Variants in PRELP observed in about 807,000 individuals in gnomAD.
PRELP encodes the protein proline and arginine rich end leucine rich repeat protein, also known as prolargin.
PRELP carries 16 observed loss-of-function variants against 22.8 expected under a neutral mutation model. The observed-to-expected ratio is 0.70, with a 90% CI of 0.47 to 1.06. The LOEUF is 1.06. PRELP is among the 50% of genes least tolerant of loss of function. The probability of loss-of-function intolerance (pLI) is 0.00; values close to 1 mark genes in which losing one functional copy is unlikely to be tolerated. For missense variants in PRELP, 434 were observed against 485.2 expected, an observed-to-expected ratio of 0.89 and a Z score of 0.99; for synonymous variants, 233 against 211.4, an observed-to-expected ratio of 1.10 and a Z score of -0.89.
In PRELP at chr1:203,488,685, C is replaced by G. The variant is rs1228240379; in HGVS notation, c.*1804C>G. On this transcript the variant is annotated 3_prime_UTR_variant, in exon 3 of 3. Transcript: ENST00000343110. ...GTATGGACTGTCCCTCCCCCAGAGG[C>G]TTCCCCACCCTCCATTGCCTGGCCC... 1 of 152,178 alleles carries G rather than the reference C, an allele frequency of 6.6e-6. No homozygotes were observed. Among genetic ancestry groups the G allele is most frequent in the Admixed American group, 6.5e-5 (1 of 15,286 alleles). 9.4% of individuals were successfully genotyped at this position (152,178 alleles called of 1,614,324 possible).
chr1:203,480,512 C>G (rs948931118), intron 1 of PRELP, among the ~76,000 whole-genome samples: 2 of 152,224 alleles, frequency 1.3e-5, no homozygotes, highest in Non-Finnish European at 2.9e-5. Flanking sequence ...AGACCTAGGA[C>G]ATCACGGAGC....
chr1:203,486,830 C>G lies in PRELP; in HGVS notation c.1098C>G (p.Ile366Met), dbSNP rs140798315. ...ATGGAAACTACTTGAAGCCGCCCAT[C>G]CCGCTGGACCTCATGATGTGCTTCC... Reference protein sequence around the residue: ...RLDGNYLKPPIPLDLMMCFRL... With the variant: ...RLDGNYLKPPMPLDLMMCFRL... Residue 366 changes from isoleucine to methionine, a missense_variant, in exon 3 of 3, where the codon ATC becomes ATG. Ile to Met is a conservative substitution (Grantham distance 10). Transcript: ENST00000343110. 105 of 1,614,224 alleles carry G rather than the reference C, an allele frequency of 6.5e-5. No homozygotes were observed. In the South Asian group the frequency reaches 8.8e-4, roughly 14 times the overall value.
intron 1 of PRELP, among the ~76,000 whole-genome samples, chr1:203,478,695 C>G (rs1486669820): frequency 1.3e-5 from 2 of 151,996 alleles, no homozygotes; most frequent in Non-Finnish European, 2.9e-5. Context: ...GGGTGAGAAT[C>G]TTCTCTCCTA....
intron 2 of PRELP, among the ~76,000 whole-genome samples, chr1:203,485,757 C>T (rs1399889025): frequency 6.6e-6 from 1 of 152,156 alleles, no homozygotes; most frequent in Non-Finnish European, 1.5e-5. Context: ...CTTCCTCCTC[C>T]TGCTCCTCCA....
At position 203,483,100 on chromosome 1, in the gene PRELP, G is replaced by A; in HGVS notation, c.-16-69G>A. The A allele has an allele frequency of 7.6e-7, 1 of 1,316,862 alleles. No individual in the cohort carries two copies. Among genetic ancestry groups the A allele is most frequent in the East Asian group, 2.3e-5 (1 of 42,732 alleles). The allele number at this position is 1,316,862 out of a possible 1,614,324, so 81.6% of individuals were successfully genotyped here. ...AGAGCTCTAGTTCTGCCCAACTCTG[G>A]CTTCAAAAACATGACAACTAGTTAC... On this transcript the variant is annotated intron_variant, in intron 1 of 2. Coordinates refer to ENST00000343110, the MANE Select transcript of PRELP (RefSeq NM_002725.4). The surrounding 1 kb of genome is among the most constrained non-coding windows in gnomAD (Gnocchi z 4.4).
chr1:203,490,153 C>T lies in PRELP; in HGVS notation c.*3272C>T, dbSNP rs576011457. 9 of 151,840 alleles carry T rather than the reference C, an allele frequency of 5.9e-5. No individual in the cohort carries two copies. Among genetic ancestry groups the T allele is most frequent in the Non-Finnish European group, 1.2e-4 (8 of 67,962 alleles). The allele number at this position is 151,840 out of a possible 1,614,324, so 9.4% of individuals were successfully genotyped here. ...TTTTCTTATTATTTTTAAATAGAGGCAGGGTCTCATTATGTTGCCCAGGCT... is the reference window on the plus strand; with the variant it reads ...TTTTCTTATTATTTTTAAATAGAGGTAGGGTCTCATTATGTTGCCCAGGCT... On this transcript the variant is annotated 3_prime_UTR_variant, in exon 3 of 3. Transcript: ENST00000343110.
In PRELP at chr1:203,488,335, A is replaced by T. The variant is rs1461708371; in HGVS notation, c.*1454A>T. 6.6e-6 allele frequency: 1 copy of T among 152,202 alleles called. No homozygotes were observed. The highest frequency in any genetic ancestry group is 1.5e-5 in the Non-Finnish European group (1 of 68,068). The allele number at this position is 152,202 out of a possible 1,614,324, so 9.4% of individuals were successfully genotyped here. ...GGAGTTCGAAACCACCCTGGGCAACATGGTGAAACCCCCGTCTCTACTAAA... is the reference window on the plus strand; with the variant it reads ...GGAGTTCGAAACCACCCTGGGCAACTTGGTGAAACCCCCGTCTCTACTAAA... On this transcript the variant is annotated 3_prime_UTR_variant, in exon 3 of 3. Transcript: ENST00000343110.
intron 2 of PRELP, 139 bp from the exon 3 acceptor site, chr1:203,486,567 A>G: frequency 1.3e-6 from 1 of 747,810 alleles, no homozygotes; most frequent in Non-Finnish European, 2.2e-6. Flanking sequence ...CAGCTCATCT[A>G]TGATCACACA....
intron 1 of PRELP, among the ~76,000 whole-genome samples, chr1:203,479,008 A>C (rs773241771): frequency 5.9e-5 from 9 of 152,194 alleles, no homozygotes; most frequent in Non-Finnish European, 1.2e-4. Context: ...AACAGAAAGA[A>C]GGGAAAAAAG....
chr1:203,476,191 T>C (rs1660908937), intron 1 of PRELP, among the ~76,000 whole-genome samples: 1 of 152,220 alleles, frequency 6.6e-6, no homozygotes, highest in Non-Finnish European at 1.5e-5. Flanking sequence ...TGCAGATGTT[T>C]GTTGTAGCAC....
rs1660941032 is a variant in PRELP, at chr1:203,477,974, A to G, written c.-17+2036A>G. On this transcript the variant is annotated intron_variant, in intron 1 of 2. Transcript: ENST00000343110. ...AAGGGGAGGAAGTTGCTCTGTGTGG[A>G]AGAGCTGGTACCCCACTCACAAGGA... is the stretch of plus-strand genomic sequence containing the variant. 3.3e-5 allele frequency among the ~76,000 whole-genome samples: 5 copies of G among 152,300 alleles called. No individual in the cohort carries two copies. The South Asian group carries it at 1.0e-3, about 32-fold the overall frequency.
intron 1 of PRELP, among the ~76,000 whole-genome samples, chr1:203,477,548 G>A (rs1276902467): frequency 6.6e-6 from 1 of 152,136 alleles, no homozygotes; most frequent in Non-Finnish European, 1.5e-5. Flanking sequence ...GACCCCAGGA[G>A]CATGTGCTGG....
intron 1 of PRELP, among the ~76,000 whole-genome samples, chr1:203,477,975 A>G (rs776283006): frequency 6.6e-6 from 1 of 152,206 alleles, no homozygotes; most frequent in Non-Finnish European, 1.5e-5. Flanking sequence ...TCTGTGTGGA[A>G]GAGCTGGTAC....
intron 2 of PRELP, among the ~76,000 whole-genome samples, chr1:203,486,162 G>C (rs1460145483): frequency 6.6e-6 from 1 of 152,092 alleles, no homozygotes; most frequent in Non-Finnish European, 1.5e-5. Flanking sequence ...CAGATTTAAC[G>C]CTCCAGGATA....
chr1:203,486,649 C>T, intron 2 of PRELP, 57 bp from the exon 3 acceptor site: 6 of 1,513,422 alleles, frequency 4.0e-6, no homozygotes, highest in Non-Finnish European at 5.5e-6. Flanking sequence ...CTTCCCCTTC[C>T]TCATCTTGGC....
At chr1:203,484,180 G>A (rs1335119731) in intron 2 of PRELP, 23 bp downstream of exon 2, 2 of 1,589,114 alleles carry the variant, frequency 1.3e-6, no homozygotes, top group South Asian at 1.1e-5. Context: ...GGCCGGGGCG[G>A]GGCCGAAGGC....
rs1236957524 is a variant in PRELP, at chr1:203,489,458, C to T, written c.*2577C>T. ...TCTCCATGCACAAGTTCATTCCCTC[C>T]ATGCTGTCGTCATCGACATATACAG... On this transcript the variant is annotated 3_prime_UTR_variant, in exon 3 of 3. Coordinates refer to ENST00000343110, the MANE Select transcript of PRELP (RefSeq NM_002725.4). 1 of 152,228 alleles carries T rather than the reference C, an allele frequency of 6.6e-6. No homozygotes were observed. The highest frequency in any genetic ancestry group is 2.4e-5 in the African/African-American group (1 of 41,446). The allele number at this position is 152,228 out of a possible 1,614,324, so 9.4% of individuals were successfully genotyped here.
chr1:203,476,223 T>G (rs1308806750), intron 1 of PRELP, among the ~76,000 whole-genome samples: 1 of 152,244 alleles, frequency 6.6e-6, no homozygotes, highest in Non-Finnish European at 1.5e-5. Flanking sequence ...CTGCACAAAG[T>G]GTTTCTACAG....
Position 203,483,935 on chromosome 1 carries a change from A to G in PRELP, c.751A>G (p.Ser251Gly), listed in dbSNP as rs1661053488. The change falls in exon 2 of 3, where the codon AGT (serine) becomes GGT (glycine). Residue 251 changes from serine (S) to glycine (G), a missense_variant. Physicochemically the swap from Ser to Gly is moderately conservative, Grantham distance 56 (BLOSUM62 0). Transcript: ENST00000343110. This position sits in a 1 kb window ranked among gnomAD's most constrained non-coding sequence, Gnocchi z 4.4. ...PTAIHQLYLD[S>G]NKIETIPNGY... ...CGCCATTCACCAGCTCTACCTGGAC[A>G]GTAACAAGATTGAGACCATCCCTAA... 2 of 1,614,136 alleles carry G rather than the reference A, an allele frequency of 1.2e-6. No homozygotes were observed. Among genetic ancestry groups the G allele is most frequent in the African/African-American group, 1.3e-5 (1 of 74,944 alleles).
Sources: gnomAD v4.1 joint callset for allele counts (sites outside exome capture counted in the v4.1 genomes callset) on GRCh38, gnomAD v4.1.1 for gene constraint, Gnocchi (gnomAD v3.1) non-coding constraint, MANE v1.5 for transcripts, NCBI Gene and HGNC (gene_info 2026-07-23, HGNC 2026-07-21) for gene names.